BBS7: variants seen among roughly 807,000 people sequenced by gnomAD.
BBS7 encodes the protein BBSome complex member BBS7.
A neutral mutation model predicts 90.3 loss-of-function variants in BBS7; 50 were observed. The ratio of observed to expected loss-of-function variants is 0.55; its 90% CI spans 0.44 to 0.70. The LOEUF (loss-of-function observed/expected upper bound fraction) is 0.70, where lower values mean the gene tolerates loss of function less well. Among genes scored for constraint, BBS7 ranks in the 30% least tolerant of loss-of-function variants. BBS7 has a pLI of 0.00. For synonymous variants in BBS7, 235 were observed against 287.4 expected (o/e 0.82, Z 1.85); for missense variants, 729 against 838.9 (o/e 0.87, Z 1.62).
At chr4:121,850,382 T>A (rs1726257014) in intron 8 of BBS7, among the ~76,000 whole-genome samples, 1 of 152,060 alleles carries the variant, frequency 6.6e-6, no homozygotes, top group Admixed American at 6.5e-5. Context: ...CCCAGGCTGG[T>A]GTTGAACTCC....
chr4:121,835,929 C>T (rs1725430602), intron 13 of BBS7, among the ~76,000 whole-genome samples: 1 of 152,140 alleles, frequency 6.6e-6, no homozygotes, highest in African/African-American at 2.4e-5. Flanking sequence ...ATCACTATTA[C>T]TACTTTGGTA....
intron 5 of BBS7, among the ~76,000 whole-genome samples, chr4:121,856,493 G>C (rs1220669204): frequency 6.6e-6 from 1 of 152,000 alleles, no homozygotes; most frequent in Non-Finnish European, 1.5e-5. Flanking sequence ...AAGACGGGTG[G>C]ATCATCAGGT....
rs34910805 is a variant in BBS7, at chr4:121,868,684, C to CAAAAAAAAAAA, written c.37-649_37-639dup. The stretch of plus-strand genomic sequence containing the variant: ...TGCGTGACAGAACAAGACCCTGTTT[C>CAAAAAAAAAAA]AAAAAAAAAAAAAAAAAAAAAAAAA... On this transcript the variant is annotated intron_variant, in intron 1 of 18. Transcript: ENST00000264499. Among the ~76,000 whole-genome samples the CAAAAAAAAAAA allele has an allele frequency of 9.5e-4, 47 of 49,682 alleles. 15 individuals are homozygous for CAAAAAAAAAAA. Among genetic ancestry groups the CAAAAAAAAAAA allele is most frequent in the African/African-American group, 2.6e-3 (29 of 11,054 alleles). The allele number at this position is 49,682 out of a possible 152,430, so 32.6% of individuals were successfully genotyped here.
Position 121,833,341 on chromosome 4 carries a change from G to A in BBS7, c.1566C>T (p.Ser522=). 6.2e-7 allele frequency: 1 copy of A among 1,614,052 alleles called. No homozygotes were observed. Among genetic ancestry groups the A allele is most frequent in the East Asian group, 2.2e-5 (1 of 44,858 alleles). The change falls in exon 15 of 19, where the codon TCC becomes TCT. Residue 522 remains serine, a synonymous_variant. Coordinates refer to ENST00000264499, the MANE Select transcript of BBS7 (RefSeq NM_176824.3). Reference sequence around the variant, plus strand: ...CTTCAGGCAGACAAAAAACCACCCAGGAGTGAACTTCAGCAAAACTGAACT... The same window carrying A: ...CTTCAGGCAGACAAAAAACCACCCAAGAGTGAACTTCAGCAAAACTGAACT... ...TGQFSFAEVH[S]WVVFCLPEVP... is the part of the protein sequence containing the mutation.
At chr4:121,843,708 G>A (rs1725858059) in intron 12 of BBS7, among the ~76,000 whole-genome samples, 3 of 152,118 alleles carry the variant, frequency 2.0e-5, no homozygotes, top group South Asian at 4.1e-4. Flanking sequence ...TCACATAAGG[G>A]ATATCAACCT....
Position 121,828,409 on chromosome 4 carries a change from G to A in BBS7, c.1883C>T (p.Ala628Val). The A allele has an allele frequency of 6.2e-7, 1 of 1,613,304 alleles. No homozygotes were observed. The highest frequency in any genetic ancestry group is 8.5e-7 in the Non-Finnish European group (1 of 1,179,346). Residue 628 changes from alanine (A) to valine (V), a missense_variant, in exon 17 of 19, where the codon GCT (alanine) becomes GTT (valine). By Grantham distance (64) the Ala-to-Val change is moderately conservative. Transcript: ENST00000264499. ...GACGACACATGTACTTACTTTTAAAGCATCAATTAACTGCACTTTCTTAGC... is the reference window on the plus strand; with the variant it reads ...GACGACACATGTACTTACTTTTAAAACATCAATTAACTGCACTTTCTTAGC... The part of the protein sequence containing the change: ...LLAKKVQLID[A>V]LKELQIHEGN...
intron 13 of BBS7, among the ~76,000 whole-genome samples, chr4:121,838,754 G>A (rs1246278375): frequency 6.6e-6 from 1 of 151,886 alleles, no homozygotes; most frequent in Non-Finnish European, 1.5e-5. Context: ...AATTAGCCAG[G>A]TGTGGTGGTG....
Position 121,825,872 on chromosome 4 carries a change from G to A in BBS7, c.2136C>T (p.Phe712=), listed in dbSNP as rs199782217. Residue 712 remains phenylalanine (F), a synonymous_variant, in exon 19 of 19, where the codon TTC becomes TTT. Transcript: ENST00000264499. The part of the protein sequence containing the change: ...SYDQNALISF[F]DAA ...CCTTATTTGTATGTCATGCTGCATCGAAGAATGAAATCAATGCATTTTGGT... is the reference window on the plus strand; with the variant it reads ...CCTTATTTGTATGTCATGCTGCATCAAAGAATGAAATCAATGCATTTTGGT... 20 of 1,612,966 alleles carry A rather than the reference G, an allele frequency of 1.2e-5. No homozygotes were observed. The highest frequency in any genetic ancestry group is 1.3e-5 in the African/African-American group (1 of 74,998).
chr4:121,861,682 G>GA lies in BBS7; in HGVS notation c.166-4dup, dbSNP rs375070166. ...CCGGGTAAAGTCTTGAACACTGCCT[G>GA]AAAAAAATCATTCAGGAAAAAAGTA... On this transcript the variant is annotated splice_polypyrimidine_tract_variant and splice_region_variant and intron_variant, in intron 3 of 18. Transcript: ENST00000264499. 2.0e-5 allele frequency: 32 copies of GA among 1,613,128 alleles called. No homozygotes were observed. The African/African-American group carries it at 2.8e-4, about 14-fold the overall frequency.
Position 121,853,053 on chromosome 4 carries a change from C to A in BBS7, c.752G>T (p.Gly251Val), listed in dbSNP as rs774976887. The A allele has an allele frequency of 6.2e-7, 1 of 1,613,634 alleles. No homozygotes were observed. The highest frequency in any genetic ancestry group is 1.1e-5 in the South Asian group (1 of 91,054). Residue 251 changes from glycine to valine, a missense_variant, in exon 8 of 19, where the codon GGT becomes GTT. By Grantham distance (109) the Gly-to-Val change is moderately radical (BLOSUM62 -3). Transcript: ENST00000264499. ...ILCIDSFDIV[G>V]DGVKDLLVGR... ...AACAAGTAAATCTTTAACCCCATCACCCACAATGTCAAAGCTGTCAATACA... is the reference window on the plus strand; with the variant it reads ...AACAAGTAAATCTTTAACCCCATCAACCACAATGTCAAAGCTGTCAATACA...
At chr4:121,829,398 C>T (rs1028820124) in intron 15 of BBS7, among the ~76,000 whole-genome samples, 1 of 152,100 alleles carries the variant, frequency 6.6e-6, no homozygotes, top group Non-Finnish European at 1.5e-5. Flanking sequence ...CTACACCCAG[C>T]TAATGTTTTC....
Position 121,828,782 on chromosome 4 carries a change from T to C in BBS7, c.1677-54A>G. On this transcript the variant is annotated intron_variant, in intron 15 of 18. Coordinates refer to ENST00000264499, the MANE Select transcript of BBS7 (RefSeq NM_176824.3). ...ATAGCTGTAGAAGGAAATTGTCCAG[T>C]ACATATATATTTTATGATTAGTACT... 3 of 1,049,570 alleles carry C rather than the reference T, an allele frequency of 2.9e-6. No homozygotes were observed. In the South Asian group the frequency reaches 4.6e-5, roughly 16 times the overall value. The allele number at this position is 1,049,570 out of a possible 1,614,324, so 65.0% of individuals were successfully genotyped here.
At position 121,845,543 on chromosome 4, in the gene BBS7, G is replaced by A. The variant is rs144483021; in HGVS notation, c.1191C>T (p.Ile397=). ...LNKDDASYSL[I]LEVQTAIDNV... is the part of the protein sequence containing the mutation. ...TATCTATTGCAGTCTGTACCTCTAA[G>A]ATAAGGCTGTAACTGGCATCATCTT... Residue 397 remains isoleucine, a synonymous_variant, in exon 11 of 19, where the codon ATC becomes ATT. Coordinates refer to ENST00000264499, the MANE Select transcript of BBS7 (RefSeq NM_176824.3). The A allele has an allele frequency of 3.6e-5, 58 of 1,612,520 alleles. No individual in the cohort carries two copies. The highest frequency in any genetic ancestry group is 4.7e-5 in the Non-Finnish European group (56 of 1,179,356).
At chr4:121,838,261 G>A (rs1244808816) in intron 13 of BBS7, among the ~76,000 whole-genome samples, 3 of 150,094 alleles carry the variant, frequency 2.0e-5, no homozygotes, top group Non-Finnish European at 4.4e-5. Flanking sequence ...ACATAAAAGG[G>A]AATGTATGCA....
intron 15 of BBS7, 29 bp from the exon 16 acceptor site, chr4:121,828,757 A>G: frequency 7.7e-7 from 1 of 1,302,208 alleles, no homozygotes; most frequent in Non-Finnish European, 1.1e-6. Context: ...TTTTAAAAGA[A>G]TAGCTGTAGA....
intron 13 of BBS7, among the ~76,000 whole-genome samples, chr4:121,838,364 G>GAAA (rs35961896): frequency 1.8e-5 from 2 of 109,942 alleles, no homozygotes; most frequent in Non-Finnish European, 1.8e-5. Flanking sequence ...CATCTCTCTT[G>GAAA]AAAAAAAAAA....
Position 121,866,170 on chromosome 4 carries a change from T to C in BBS7, c.102+1811A>G, listed in dbSNP as rs75637249. Among the ~76,000 whole-genome samples the C allele has an allele frequency of 5.3e-5, 8 of 152,286 alleles. No homozygotes were observed. In the East Asian group the frequency reaches 1.5e-3, roughly 29 times the overall value. On this transcript the variant is annotated intron_variant, in intron 2 of 18. Transcript: ENST00000264499. The stretch of plus-strand genomic sequence containing the variant: ...ATATTTTAAATCCCATTCTATAGAT[T>C]GTCTTTTCACTCTTGTTGATTGTTT...
intron 12 of BBS7, among the ~76,000 whole-genome samples, chr4:121,842,983 C>T (rs552203047): frequency 1.3e-5 from 2 of 152,276 alleles, no homozygotes; most frequent in African/African-American, 4.8e-5. Flanking sequence ...ATGCATTCAA[C>T]AAGCCTAGAA....
intron 6 of BBS7, 139 bp downstream of exon 6, chr4:121,855,350 A>G (rs557774576): frequency 1.6e-5 from 13 of 802,568 alleles, no homozygotes; most frequent in South Asian, 1.4e-4. Flanking sequence ...TAAAAGTTCA[A>G]TAACTCGTGC....
Sources: gnomAD v4.1 joint callset for allele counts (sites outside exome capture counted in the v4.1 genomes callset) on GRCh38, gnomAD v4.1.1 for gene constraint, MANE v1.5 for transcripts, NCBI Gene and HGNC (gene_info 2026-07-23, HGNC 2026-07-21) for gene names.